Variants in GALNT18 observed in about 807,000 individuals in gnomAD.
GALNT18 encodes polypeptide N-acetylgalactosaminyltransferase 18, also known as GalNAc-transferase 18.
A neutral mutation model predicts 69.5 loss-of-function variants in GALNT18; 44 were observed. That is an observed-to-expected ratio of 0.63 (90% CI 0.50 to 0.81). The LOEUF (loss-of-function observed/expected upper bound fraction) is 0.81, where lower values mean the gene tolerates loss of function less well. Among genes scored for constraint, GALNT18 ranks in the 40% least tolerant of loss-of-function variants. The pLI is 0.00. For missense variants in GALNT18, 715 were observed against 810.0 expected, an observed-to-expected ratio of 0.88 and a Z score of 1.42; for synonymous variants, 364 against 318.2, an observed-to-expected ratio of 1.14 and a Z score of -1.53.
chr11:11,362,992 T>C (rs61872112), intron 6 of GALNT18, among the ~76,000 whole-genome samples: 2 of 152,220 alleles, frequency 1.3e-5, no homozygotes, highest in Non-Finnish European at 2.9e-5. Flanking sequence ...GAATGAGGAA[T>C]ATCTCTATAT....
At chr11:11,335,201 C>A (rs1056366757) in intron 7 of GALNT18, among the ~76,000 whole-genome samples, 1 of 152,162 alleles carries the variant, frequency 6.6e-6, no homozygotes, top group African/African-American at 2.4e-5. Context: ...GTTTGCCTCC[C>A]TCCATACGAT....
At chr11:11,473,760 G>A (rs1856326340) in intron 1 of GALNT18, among the ~76,000 whole-genome samples, 2 of 152,182 alleles carry the variant, frequency 1.3e-5, no homozygotes, top group Non-Finnish European at 2.9e-5. Flanking sequence ...GGCAGACATT[G>A]AGACTTTAAT....
intron 3 of GALNT18, among the ~76,000 whole-genome samples, chr11:11,425,442 T>C (rs1855106530): frequency 6.6e-6 from 1 of 152,198 alleles, no homozygotes; most frequent in Non-Finnish European, 1.5e-5. Context: ...CTCCAGGGTA[T>C]GGGATTCTTA....
Position 11,511,017 on chromosome 11 carries a change from G to A in GALNT18, c.236-62081C>T, listed in dbSNP as rs1238868380. On this transcript the variant is annotated intron_variant, in intron 1 of 10. Coordinates refer to ENST00000227756, the MANE Select transcript of GALNT18 (RefSeq NM_198516.3). This position sits in a 1 kb window ranked among gnomAD's most constrained non-coding sequence, Gnocchi z 4.9. ...ACAACCGGCACTCTTTCCTCTCGGC[G>A]GGGCGTGCAGCTGGTACCGCCTTCC... Among the ~76,000 whole-genome samples the A allele has an allele frequency of 6.6e-6, 1 of 152,014 alleles. No individual in the cohort carries two copies. Among genetic ancestry groups the A allele is most frequent in the Non-Finnish European group, 1.5e-5 (1 of 68,016 alleles).
intron 1 of GALNT18, among the ~76,000 whole-genome samples, chr11:11,456,410 A>C (rs1855924829): frequency 6.6e-6 from 1 of 152,202 alleles, no homozygotes. Context: ...CTTGGTCTGT[A>C]CTGGTTCAAA....
At chr11:11,485,738 T>A (rs1856630636) in intron 1 of GALNT18, among the ~76,000 whole-genome samples, 1 of 152,076 alleles carries the variant, frequency 6.6e-6, no homozygotes, top group African/African-American at 2.4e-5. Flanking sequence ...TGGGCCAGCA[T>A]GAAGAACAGG....
At chr11:11,297,378 C>T (rs973866011) in intron 9 of GALNT18, among the ~76,000 whole-genome samples, 4 of 152,122 alleles carry the variant, frequency 2.6e-5, no homozygotes, top group African/African-American at 9.7e-5. Flanking sequence ...ACCTTACAGA[C>T]GAGAAAGCTG....
At position 11,546,385 on chromosome 11, in the gene GALNT18, C is replaced by T. The variant is rs924923359; in HGVS notation, c.235+74974G>A. Among the ~76,000 whole-genome samples the T allele has an allele frequency of 4.6e-5, 7 of 152,266 alleles. No homozygotes were observed. The East Asian group carries it at 5.8e-4, about 13-fold the overall frequency. ...CTTTATTCTCTCCATTTCTGCCTTC[C>T]GCTCTCTGTGCCAACCACACCAACC... is the stretch of plus-strand genomic sequence containing the variant. On this transcript the variant is annotated intron_variant, in intron 1 of 10. Coordinates refer to ENST00000227756, the MANE Select transcript of GALNT18 (RefSeq NM_198516.3). This position sits in a 1 kb window ranked among gnomAD's most constrained non-coding sequence, Gnocchi z 5.8.
chr11:11,593,208 A>C (rs1371777328), intron 1 of GALNT18, among the ~76,000 whole-genome samples: 1 of 152,166 alleles, frequency 6.6e-6, no homozygotes, highest in Non-Finnish European at 1.5e-5. Flanking sequence ...AGCTCCCTTT[A>C]GGCAAGACGT....
intron 1 of GALNT18, among the ~76,000 whole-genome samples, chr11:11,530,851 T>C (rs1440255215): frequency 6.6e-6 from 1 of 152,178 alleles, no homozygotes; most frequent in African/African-American, 2.4e-5. Context: ...TCCCACTTCC[T>C]GGCAAAAGTC....
Position 11,605,365 on chromosome 11 carries a change from C to T in GALNT18, c.235+15994G>A, listed in dbSNP as rs1459850833. Among the ~76,000 whole-genome samples, 2 of 152,114 alleles carry T rather than the reference C, an allele frequency of 1.3e-5. No individual in the cohort carries two copies. Among genetic ancestry groups the T allele is most frequent in the Non-Finnish European group, 2.9e-5 (2 of 68,042 alleles). Reference sequence around the variant, plus strand: ...TGATCTCCGGGTTGCCCTCTCTCAGCTCCCTCTCCTCACTGCAGACCTTTC... The same window carrying T: ...TGATCTCCGGGTTGCCCTCTCTCAGTTCCCTCTCCTCACTGCAGACCTTTC... On this transcript the variant is annotated intron_variant, in intron 1 of 10. Coordinates refer to ENST00000227756, the MANE Select transcript of GALNT18 (RefSeq NM_198516.3). The surrounding 1 kb of genome is among the most constrained non-coding windows in gnomAD (Gnocchi z 4.7).
intron 5 of GALNT18, among the ~76,000 whole-genome samples, chr11:11,376,147 CCGAGGCGGGTAGATCA>C (rs2133684349): frequency 6.6e-6 from 1 of 152,220 alleles, no homozygotes; most frequent in African/African-American, 2.4e-5. Context: ...CTTTGGGAGG[CCGAGGCGGGTAGATCA>C]CGAGGTCAGG....
Position 11,600,655 on chromosome 11 carries a change from C to T in GALNT18, c.235+20704G>A, listed in dbSNP as rs1010024716. ...TTTATCCTATATGAACCTTGTTGAG[C>T]TTCTTGGATATAAAGATTAATATTC... On this transcript the variant is annotated intron_variant, in intron 1 of 10. Coordinates refer to ENST00000227756, the MANE Select transcript of GALNT18 (RefSeq NM_198516.3). This position sits in a 1 kb window ranked among gnomAD's most constrained non-coding sequence, Gnocchi z 4.8. Among the ~76,000 whole-genome samples, 1 of 151,992 alleles carries T rather than the reference C, an allele frequency of 6.6e-6. No individual in the cohort carries two copies. The highest frequency in any genetic ancestry group is 2.4e-5 in the African/African-American group (1 of 41,406).
intron 1 of GALNT18, among the ~76,000 whole-genome samples, chr11:11,556,564 T>C (rs1020996840): frequency 1.3e-5 from 2 of 152,246 alleles, no homozygotes; most frequent in African/African-American, 2.4e-5. Flanking sequence ...TTCCTACCTC[T>C]GTTGAGTATT....
At chr11:11,295,499 A>T (rs1849384025) in intron 9 of GALNT18, among the ~76,000 whole-genome samples, 1 of 152,078 alleles carries the variant, frequency 6.6e-6, no homozygotes, top group Admixed American at 6.5e-5. Flanking sequence ...GGTCATGGCA[A>T]GTGATGCTGA....
chr11:11,321,159 G>A (rs1162993957), intron 9 of GALNT18, among the ~76,000 whole-genome samples: 3 of 152,210 alleles, frequency 2.0e-5, no homozygotes, highest in Non-Finnish European at 2.9e-5. Context: ...TTAGAGATAA[G>A]CAGATTGTCA....
intron 10 of GALNT18, among the ~76,000 whole-genome samples, chr11:11,292,508 A>G (rs1849319335): frequency 6.6e-6 from 1 of 151,980 alleles, no homozygotes; most frequent in Non-Finnish European, 1.5e-5. Flanking sequence ...TGGCAAGGAA[A>G]CCTCTTCTCC....
intron 1 of GALNT18, among the ~76,000 whole-genome samples, chr11:11,548,725 C>G (rs12419927): frequency 0.21 from 31,538 of 152,190 alleles, 3,811 homozygotes; most frequent in Non-Finnish European, 0.26. Flanking sequence ...CTTTTCCCAG[C>G]TTGACCAACT....
At chr11:11,301,447 T>C (rs1258473772) in intron 9 of GALNT18, among the ~76,000 whole-genome samples, 4 of 152,182 alleles carry the variant, frequency 2.6e-5, no homozygotes, top group Non-Finnish European at 4.4e-5. Context: ...AGTGCACTGA[T>C]GCTAAATCAG....
Sources: allele counts gnomAD v4.1 joint callset (sites outside exome capture counted in the v4.1 genomes callset), GRCh38; gene constraint gnomAD v4.1.1; non-coding constraint Gnocchi (gnomAD v3.1); transcripts MANE v1.5; gene names NCBI Gene and HGNC (gene_info 2026-07-23, HGNC 2026-07-21).